TAF6: variants seen among roughly 807,000 people sequenced by gnomAD.
TAF6 encodes TATA-box binding protein associated factor 6, also known as transcription initiation factor TFIID subunit 6.
In TAF6, 50 loss-of-function variants were observed where a neutral mutation model predicts 73.5. That is an observed-to-expected ratio of 0.68 (90% CI 0.54 to 0.86). The LOEUF is 0.86. Among genes scored for constraint, TAF6 ranks in the 40% least tolerant of loss-of-function variants. The pLI, the probability that TAF6 is intolerant of heterozygous loss-of-function variation, is 0.00. For synonymous variants in TAF6, 424 were observed against 376.7 expected (o/e 1.13, Z -1.45); for missense variants, 768 against 899.5 (o/e 0.85, Z 1.87).
At chr7:100,121,686 C>T (rs898011497), upstream of TAF6, among the ~76,000 whole-genome samples, 3 of 151,540 alleles carry the variant, frequency 2.0e-5, no homozygotes, top group East Asian at 2.0e-4. Context: ...GTGATCTGCC[C>T]GCCTCAGCCT....
chr7:100,126,898 G>A, the TAF6 span: 2 of 155,234 alleles, frequency 1.3e-5, no homozygotes, highest in Non-Finnish European at 2.9e-5. Context: ...GCCCAGCCAG[G>A]CAGCCTCCTC....
chr7:100,109,855 A>C, intron 12 of TAF6, 93 bp downstream of exon 12: 1 of 1,548,144 alleles, frequency 6.5e-7, no homozygotes, highest in Non-Finnish European at 8.7e-7. Context: ...AACATGAGGC[A>C]AAGATGGGAG....
chr7:100,108,582 A>G (rs1796826404), intron 12 of TAF6, 42 bp from the exon 13 acceptor site: 1 of 1,559,216 alleles, frequency 6.4e-7, no homozygotes, highest in Non-Finnish European at 8.7e-7. Flanking sequence ...AGGGCTGGGG[A>G]AAAAAGCCAG....
intron 1 of TAF6, among the ~76,000 whole-genome samples, chr7:100,114,814 C>T (rs937209653): frequency 6.6e-6 from 1 of 151,244 alleles, no homozygotes; most frequent in Non-Finnish European, 1.5e-5. Flanking sequence ...CAGCAGTTCA[C>T]GACCAGCCTG....
upstream of TAF6, among the ~76,000 whole-genome samples, chr7:100,123,869 G>A (rs761248468): frequency 2.0e-5 from 3 of 152,130 alleles, no homozygotes; most frequent in African/African-American, 4.8e-5. Context: ...GATGGCTCAC[G>A]TATGTAATCC....
At chr7:100,119,422 T>A, upstream of TAF6, 1 of 1,205,740 alleles carries the variant, frequency 8.3e-7, no homozygotes, top group Non-Finnish European at 1.0e-6. Flanking sequence ...CGTACCAGAA[T>A]AAGTCCTCTA....
rs747639411 is a variant in TAF6, at chr7:100,113,720, G to A, written c.293C>T (p.Ser98Phe). ...AQEFIPFRFA[S>F]GGGRELYFYE... is the part of the protein sequence containing the mutation. ...GAAGTAAAGCTCCCGGCCCCCACCAGAGGCGAAGCGGAAAGGAATGAACTC... is the reference window on the plus strand; with the variant it reads ...GAAGTAAAGCTCCCGGCCCCCACCAAAGGCGAAGCGGAAAGGAATGAACTC... Residue 98 changes from serine (S) to phenylalanine (F), a missense_variant, in exon 4 of 15, where the codon TCT becomes TTT. Physicochemically the swap from Ser to Phe is radical, Grantham distance 155. Coordinates refer to ENST00000453269, the MANE Select transcript of TAF6 (RefSeq NM_139315.3). 3.7e-6 allele frequency: 6 copies of A among 1,613,990 alleles called. No individual in the cohort carries two copies. In the African/African-American group the frequency reaches 4.0e-5, roughly 11 times the overall value.
intron 3 of TAF6, 41 bp from the exon 4 acceptor site, chr7:100,113,810 A>T: frequency 1.9e-6 from 3 of 1,612,390 alleles, no homozygotes; most frequent in Non-Finnish European, 2.5e-6. Context: ...AGGGAGCCGG[A>T]GGAGACCTGG....
intron 5 of TAF6, 126 bp from the exon 6 acceptor site, chr7:100,113,043 T>C: frequency 3.0e-6 from 4 of 1,334,710 alleles, no homozygotes; most frequent in South Asian, 2.8e-5. Context: ...GGCGGGTGGA[T>C]CACCTCAGGT....
chr7:100,125,166 T>C, the TAF6 span: 1 of 370,254 alleles, frequency 2.7e-6, no homozygotes, highest in Non-Finnish European at 4.9e-6. Context: ...AGCTTTCCTC[T>C]TTAACTGATC....
Position 100,111,200 on chromosome 7 carries a change from C to T in TAF6, c.1022G>A (p.Cys341Tyr), listed in dbSNP as rs1391790453. 6.2e-7 allele frequency: 1 copy of T among 1,614,208 alleles called. No homozygotes were observed. Among genetic ancestry groups the T allele is most frequent in the Non-Finnish European group, 8.5e-7 (1 of 1,180,046 alleles). The change falls in exon 10 of 15, where the codon TGC becomes TAC. Residue 341 changes from cysteine (C) to tyrosine (Y), a missense_variant. Physicochemically the swap from Cys to Tyr is radical, Grantham distance 194. Around this residue, in one of 5 missense-constraint regions of TAF6, gnomAD observed 69 missense variants for 105.4 expected, o/e 0.65. Coordinates refer to ENST00000453269, the MANE Select transcript of TAF6 (RefSeq NM_139315.3). The stretch of plus-strand genomic sequence containing the variant: ...GTTAGTGGTTGTGCTAAAATGCTTG[C>T]AGATCTGGGCCACCAGGCGGGCAGC... ...DFAARLVAQICKHFSTTTNNI... is the reference protein window; with the variant it reads ...DFAARLVAQIYKHFSTTTNNI...
chr7:100,119,442 A>G, upstream of TAF6: 1 of 1,274,586 alleles, frequency 7.8e-7, no homozygotes, highest in Non-Finnish European at 9.9e-7. Flanking sequence ...AGGCTCGCAG[A>G]ATGAAATTAT....
upstream of TAF6, chr7:100,122,997 C>G (rs1393391376): frequency 3.5e-6 from 5 of 1,408,798 alleles, no homozygotes; most frequent in Non-Finnish European, 4.8e-6. Flanking sequence ...GGATGTCTAC[C>G]CCTAAGCATG....
intron 1 of TAF6, among the ~76,000 whole-genome samples, chr7:100,117,575 A>G (rs935112646): frequency 1.3e-5 from 2 of 149,606 alleles, no homozygotes; most frequent in Non-Finnish European, 3.0e-5. Context: ...CCCGGCCGAC[A>G]GAGCTCTTTA....
chr7:100,111,184 T>G lies in TAF6; in HGVS notation c.1038A>C (p.Thr346=). 6.2e-7 allele frequency: 1 copy of G among 1,614,156 alleles called. No individual in the cohort carries two copies. The part of the protein sequence containing the change: ...LVAQICKHFS[T]TTNNIQSRIT... ...TCCGGGACTGGATGTTGTTAGTGGT[T>G]GTGCTAAAATGCTTGCAGATCTGGG... Residue 346 remains threonine, a synonymous_variant, in exon 10 of 15, where the codon ACA becomes ACC. Coordinates refer to ENST00000453269, the MANE Select transcript of TAF6 (RefSeq NM_139315.3).
the TAF6 span, chr7:100,124,889 C>A: frequency 6.3e-7 from 1 of 1,583,648 alleles, no homozygotes; most frequent in South Asian, 1.2e-5. Flanking sequence ...AGATCTTTGA[C>A]CCTTGCCTTT....
chr7:100,112,783 C>A lies in TAF6; in HGVS notation c.574+15G>T. The A allele has an allele frequency of 6.2e-7, 1 of 1,606,292 alleles. No individual in the cohort carries two copies. Among genetic ancestry groups the A allele is most frequent in the Non-Finnish European group, 8.5e-7 (1 of 1,175,910 alleles). ...TGGGCAAGAGTCCAGAGAGGCCTAG[C>A]CTAGGAGGACTGACCTTTGCCGTCG... On this transcript the variant is annotated intron_variant, in intron 6 of 14. Coordinates refer to ENST00000453269, the MANE Select transcript of TAF6 (RefSeq NM_139315.3).
At position 100,112,092 on chromosome 7, in the gene TAF6, C is replaced by G; in HGVS notation, c.720+16G>C. 1 of 1,613,512 alleles carries G rather than the reference C, an allele frequency of 6.2e-7. No individual in the cohort carries two copies. Among genetic ancestry groups the G allele is most frequent in the Non-Finnish European group, 8.5e-7 (1 of 1,179,658 alleles). On this transcript the variant is annotated intron_variant, in intron 7 of 14. Coordinates refer to ENST00000453269, the MANE Select transcript of TAF6 (RefSeq NM_139315.3). ...GGAGGCGTCTCAGGGCCAGGGCAAGCTGGTGGGGCCCTCACCGCCCTCTTG... is the reference window on the plus strand; with the variant it reads ...GGAGGCGTCTCAGGGCCAGGGCAAGGTGGTGGGGCCCTCACCGCCCTCTTG...
Position 100,107,475 on chromosome 7 carries a change from C to G in TAF6, c.1805G>C (p.Ser602Thr), listed in dbSNP as rs925719781. ...PPSTAPSGPG[S>T]VQKYIVVSLP... is the part of the protein sequence containing the mutation. ...TGAGACCACGATGTACTTCTGGACA[C>G]TCCCAGGACCAGAGGGAGCAGTGCT... The change falls in exon 15 of 15, where the codon AGT becomes ACT. Residue 602 changes from serine (S) to threonine (T), a missense_variant. By Grantham distance (58) the Ser-to-Thr change is moderately conservative. Transcript: ENST00000453269. 2 of 1,613,982 alleles carry G rather than the reference C, an allele frequency of 1.2e-6. No individual in the cohort carries two copies. Among genetic ancestry groups the G allele is most frequent in the Non-Finnish European group, 8.5e-7 (1 of 1,179,924 alleles).
Sources: gnomAD v4.1 joint callset for allele counts (sites outside exome capture counted in the v4.1 genomes callset) on GRCh38, gnomAD v4.1.1 for gene constraint, gnomAD v4.1.1 regional missense constraint, MANE v1.5 for transcripts, NCBI Gene and HGNC (gene_info 2026-07-23, HGNC 2026-07-21) for gene names.